The following SUPT16H variants were observed in gnomAD, a reference collection of about 807,000 sequenced individuals.
The protein encoded by SUPT16H is FACT complex subunit SPT16.
Under a neutral mutation model 136.2 loss-of-function variants are expected in SUPT16H, and 24 were observed. The ratio of observed to expected loss-of-function variants is 0.18; its 90% CI spans 0.13 to 0.25. The LOEUF (loss-of-function observed/expected upper bound fraction) is 0.25. Ranked by LOEUF, SUPT16H falls within the 10% of genes least tolerant of loss-of-function variation. The pLI is 1.00. For missense variants in SUPT16H, 623 were observed against 1,270.2 expected (o/e 0.49, Z 7.74); for synonymous variants, 415 against 428.2 (o/e 0.97, Z 0.38).
chr14:21,362,146 G>A, intron 15 of SUPT16H, 51 bp downstream of exon 15: 2 of 1,572,344 alleles, frequency 1.3e-6, no homozygotes, highest in Non-Finnish European at 1.7e-6. Flanking sequence ...GTTTCTGAGA[G>A]TACCACTCCA....
Position 21,352,651 on chromosome 14 carries a change from G to A in SUPT16H, c.*22C>T, listed in dbSNP as rs1886338903. 1 of 1,613,430 alleles carries A rather than the reference G, an allele frequency of 6.2e-7. No homozygotes were observed. Among genetic ancestry groups the A allele is most frequent in the Non-Finnish European group, 8.5e-7 (1 of 1,179,964 alleles). On this transcript the variant is annotated 3_prime_UTR_variant, in exon 26 of 26. Transcript: ENST00000216297. ...AGGGGTTGGCTGGAGGAAGAATGGA[G>A]CTCAGGGCCAAAGTTCAGAAGTTAC...
chr14:21,365,184 C>T (rs1367680289), intron 8 of SUPT16H, 41 bp from the exon 9 acceptor site: 1 of 1,549,114 alleles, frequency 6.5e-7, no homozygotes, highest in Non-Finnish European at 8.9e-7. Context: ...GGCTAAAGAT[C>T]TCTAACATGG....
At chr14:21,370,537 T>C in intron 3 of SUPT16H, 49 bp from the exon 4 acceptor site, 1 of 1,591,612 alleles carries the variant, frequency 6.3e-7, no homozygotes, top group Non-Finnish European at 8.6e-7. Context: ...ACCAGTTCAT[T>C]AGACACGTTT....
At chr14:21,383,652 G>A (rs1327957093) in intron 1 of SUPT16H, 11 of 714,606 alleles carry the variant, frequency 1.5e-5, no homozygotes, top group Non-Finnish European at 2.1e-5. Flanking sequence ...GGAAGATGGT[G>A]ATGGCCGCAG....
intron 1 of SUPT16H, among the ~76,000 whole-genome samples, chr14:21,377,124 G>T (rs949331852): frequency 2.2e-5 from 3 of 138,230 alleles, no homozygotes; most frequent in Admixed American, 7.1e-5. Context: ...TTTAACCAAA[G>T]AGGTCTAAAC....
In SUPT16H at chr14:21,369,534, C is replaced by A; in HGVS notation, c.631-179G>T. 3.2e-6 allele frequency: 3 copies of A among 951,870 alleles called. No individual in the cohort carries two copies. The South Asian group carries it at 5.1e-5, about 16-fold the overall frequency. 59.0% of individuals were successfully genotyped at this position (951,870 alleles called of 1,614,324 possible). ...TTTGGAGAACAATATGTAGGACTTACAGCTATTCCTATGATTCTCAAGTAA... is the reference window on the plus strand; with the variant it reads ...TTTGGAGAACAATATGTAGGACTTAAAGCTATTCCTATGATTCTCAAGTAA... On this transcript the variant is annotated intron_variant, in intron 5 of 25. Transcript: ENST00000216297.
intron 1 of SUPT16H, chr14:21,382,962 T>G (rs2139423161): frequency 6.6e-6 from 1 of 152,294 alleles, no homozygotes; most frequent in South Asian, 2.1e-4. Context: ...AGCTGATCAT[T>G]TTTCTCAAAA....
At position 21,383,782 on chromosome 14, in the gene SUPT16H, G is replaced by A. The variant is rs1173285427; in HGVS notation, c.66+80C>T. The A allele has an allele frequency of 2.6e-6, 4 of 1,543,766 alleles. No homozygotes were observed. The African/African-American group carries it at 4.1e-5, about 16-fold the overall frequency. On this transcript the variant is annotated intron_variant, in intron 1 of 25. Transcript: ENST00000216297. Reference sequence around the variant, plus strand: ...AACCCGGGAATTCCTGACCGAAAGAGAAAAAAGGGCGCCGAGAAACAGGGT... The same window carrying A: ...AACCCGGGAATTCCTGACCGAAAGAAAAAAAAGGGCGCCGAGAAACAGGGT...
chr14:21,352,045 T>C lies in SUPT16H; in HGVS notation c.*628A>G, dbSNP rs1478012053. 6.5e-6 allele frequency: 1 copy of C among 153,786 alleles called. No individual in the cohort carries two copies. The highest frequency in any genetic ancestry group is 2.4e-5 in the African/African-American group (1 of 41,446). 9.5% of individuals were successfully genotyped at this position (153,786 alleles called of 1,614,324 possible). On this transcript the variant is annotated 3_prime_UTR_variant, in exon 26 of 26. Transcript: ENST00000216297. ...GAGAAAATAACCGAGCCAGGGAGTA[T>C]CACTGCTTCTTATGTCTTCCAAGGC...
Position 21,363,115 on chromosome 14 carries a change from T to C in SUPT16H, c.1430A>G (p.His477Arg). 1 of 1,613,946 alleles carries C rather than the reference T, an allele frequency of 6.2e-7. No homozygotes were observed. The highest frequency in any genetic ancestry group is 8.5e-7 in the Non-Finnish European group (1 of 1,180,032). ...GAGTTGAGCCGCTAGTTCTTTCTGA[T>C]GTGCTCTTCGCTTCTCTTCTGCAGT... The part of the protein sequence containing the change: ...EMTAEEKRRA[H>R]QKELAAQLNE... The change falls in exon 13 of 26, where the codon CAT becomes CGT. Residue 477 changes from histidine (H) to arginine (R), a missense_variant. This residue lies in a region of SUPT16H where 30 missense variants were observed against 44.8 expected (regional missense o/e 0.67). Coordinates refer to ENST00000216297, the MANE Select transcript of SUPT16H (RefSeq NM_007192.4).
At chr14:21,361,784 G>C (rs898470225) in intron 15 of SUPT16H, among the ~76,000 whole-genome samples, 2 of 149,374 alleles carry the variant, frequency 1.3e-5, no homozygotes, top group African/African-American at 5.0e-5. Context: ...TTTTTTTTTT[G>C]AGACAAGGTC....
intron 3 of SUPT16H, among the ~76,000 whole-genome samples, chr14:21,371,337 C>A (rs1192661324): frequency 6.6e-6 from 1 of 152,122 alleles, no homozygotes; most frequent in Non-Finnish European, 1.5e-5. Flanking sequence ...AGGCTGGTCT[C>A]AAACACCTGG....
At chr14:21,369,389 C>G in intron 5 of SUPT16H, 34 bp from the exon 6 acceptor site, 1 of 1,613,046 alleles carries the variant, frequency 6.2e-7, no homozygotes, top group Non-Finnish European at 8.5e-7. Flanking sequence ...GTAACACTTA[C>G]TAGAGGGTAG....
intron 19 of SUPT16H, 92 bp downstream of exon 19, chr14:21,359,389 CCAG>C: frequency 6.5e-7 from 1 of 1,533,686 alleles, no homozygotes; most frequent in Non-Finnish European, 8.8e-7. Flanking sequence ...AGTCACCACG[CCAG>C]CCCAGTTTGT....
At chr14:21,383,609 G>A (rs117865177) in intron 1 of SUPT16H, 15,351 of 702,896 alleles carry the variant, frequency 0.022, 196 homozygotes, top group African/African-American at 0.033. Flanking sequence ...ACTGCGAGAG[G>A]TGCTGCTATG....
intron 2 of SUPT16H, 78 bp from the exon 3 acceptor site, chr14:21,372,122 T>A (rs1461753403): frequency 1.4e-6 from 2 of 1,439,602 alleles, no homozygotes; most frequent in Non-Finnish European, 9.3e-7. Context: ...ACAGAAATAC[T>A]TATAGACAAA....
chr14:21,370,453 A>G lies in SUPT16H; in HGVS notation c.366T>C (p.Ile122=), dbSNP rs778614049. Residue 122 remains isoleucine, a synonymous_variant, in exon 4 of 26, where the codon ATT becomes ATC. Coordinates refer to ENST00000216297, the MANE Select transcript of SUPT16H (RefSeq NM_007192.4). ...CATTCTTGCTTTCTTTAATGGCTTC[A>G]ATCATTTTGTCAAAGCTACTCTTAT... ...ESNKSSFDKM[I]EAIKESKNGK... The G allele has an allele frequency of 1.9e-6, 3 of 1,614,122 alleles. No homozygotes were observed. Among genetic ancestry groups the G allele is most frequent in the Admixed American group, 1.7e-5 (1 of 60,024 alleles).
At chr14:21,360,810 A>G in intron 17 of SUPT16H, 36 bp downstream of exon 17, 1 of 1,587,444 alleles carries the variant, frequency 6.3e-7, no homozygotes, top group South Asian at 1.2e-5. Flanking sequence ...ATGTGCCCTG[A>G]AGAGAAAGCC....
intron 17 of SUPT16H, 81 bp from the exon 18 acceptor site, chr14:21,360,614 A>C: frequency 7.5e-7 from 1 of 1,334,708 alleles, no homozygotes; most frequent in Non-Finnish European, 1.1e-6. Context: ...GCTGATTTGC[A>C]CAGGGTCAGA....
Sources: allele counts gnomAD v4.1 joint callset (sites outside exome capture counted in the v4.1 genomes callset), GRCh38; gene constraint gnomAD v4.1.1; regional missense constraint gnomAD v4.1.1; transcripts MANE v1.5; gene names NCBI Gene and HGNC (gene_info 2026-07-23, HGNC 2026-07-21).